Variants in CAST observed in about 807,000 individuals in gnomAD.
CAST encodes MIR583 host.
Under a neutral mutation model 119.6 loss-of-function variants are expected in CAST, and 76 were observed. The ratio of observed to expected loss-of-function variants is 0.64; its 90% confidence interval spans 0.53 to 0.77. The LOEUF is 0.77. CAST is among the 30% of genes least tolerant of loss of function. The pLI is 0.00. For missense variants in CAST, 953 were observed against 946.5 expected (o/e 1.01, Z -0.09); for synonymous variants, 319 against 331.6 (o/e 0.96, Z 0.41).
the CAST span, among the ~76,000 whole-genome samples, chr5:96,456,357 G>A: frequency 4.6e-5 from 7 of 152,076 alleles, no homozygotes; most frequent in Admixed American, 3.3e-4. Context: ...ACATTGTGAC[G>A]CATGCTATCA....
At chr5:96,103,869 C>G in the CAST span, among the ~76,000 whole-genome samples, 15 of 151,246 alleles carry the variant, frequency 9.9e-5, no homozygotes, top group South Asian at 8.4e-4. Context: ...CCTGTTGTTT[C>G]CTGACTTTTT....
intron 1 of CAST, among the ~76,000 whole-genome samples, chr5:96,577,584 C>A (rs1746698406): frequency 1.3e-5 from 2 of 152,000 alleles, no homozygotes; most frequent in Admixed American, 1.3e-4. Context: ...GTTGTATTTT[C>A]ATTTTCATTC....
the CAST span, among the ~76,000 whole-genome samples, chr5:96,121,573 G>A: frequency 2.6e-5 from 4 of 151,912 alleles, no homozygotes; most frequent in Non-Finnish European, 5.9e-5. Flanking sequence ...CAGCGTTTTG[G>A]CGGTGAGGCT....
the CAST span, among the ~76,000 whole-genome samples, chr5:96,433,449 C>A: frequency 6.6e-6 from 1 of 152,230 alleles, no homozygotes; most frequent in Admixed American, 6.5e-5. Context: ...TGCTCCTTGT[C>A]TGCCCATAAA....
At chr5:96,587,364 G>A (rs1214226489) in intron 1 of CAST, among the ~76,000 whole-genome samples, 11 of 152,200 alleles carry the variant, frequency 7.2e-5, no homozygotes, top group Admixed American at 7.2e-4. Context: ...TAGGATTGAA[G>A]GTGGTTAGGT....
chr5:96,467,884 G>A, the CAST span, among the ~76,000 whole-genome samples: 1 of 151,964 alleles, frequency 6.6e-6, no homozygotes, highest in African/African-American at 2.4e-5. Flanking sequence ...TCACTACTGG[G>A]TATCTACCCA....
chr5:96,670,015 C>T (rs1259724800), intron 1 of CAST, among the ~76,000 whole-genome samples: 1 of 152,158 alleles, frequency 6.6e-6, no homozygotes, highest in Non-Finnish European at 1.5e-5. Context: ...GGATGGGACC[C>T]ACTGCTAACC....
At chr5:96,405,026 G>C in the CAST span, among the ~76,000 whole-genome samples, 2 of 152,120 alleles carry the variant, frequency 1.3e-5, no homozygotes. Flanking sequence ...TCTCATTCTT[G>C]AGTGCCTTGG....
the CAST span, among the ~76,000 whole-genome samples, chr5:96,394,409 A>C: frequency 1.3e-5 from 2 of 152,192 alleles, no homozygotes; most frequent in Non-Finnish European, 2.9e-5. Flanking sequence ...AATTAATAAA[A>C]AGAAGCCTAC....
chr5:96,131,832 T>C, the CAST span, among the ~76,000 whole-genome samples: 1 of 152,082 alleles, frequency 6.6e-6, no homozygotes, highest in South Asian at 2.1e-4. Context: ...AACATAAGTA[T>C]CAAATCATAC....
At chr5:96,120,221 T>G in the CAST span, among the ~76,000 whole-genome samples, 1 of 152,152 alleles carries the variant, frequency 6.6e-6, no homozygotes, top group Non-Finnish European at 1.5e-5. Context: ...TGCCTTGGGC[T>G]CCTGCTAGAG....
At chr5:96,481,070 A>G in the CAST span, among the ~76,000 whole-genome samples, 2 of 152,140 alleles carry the variant, frequency 1.3e-5, no homozygotes, top group African/African-American at 2.4e-5. Flanking sequence ...ACAGGCTTAC[A>G]GCTAAATTGG....
At chr5:96,064,853 A>G in the CAST span, among the ~76,000 whole-genome samples, 1 of 152,124 alleles carries the variant, frequency 6.6e-6, no homozygotes, top group Non-Finnish European at 1.5e-5. Context: ...CATTTATGCT[A>G]CTATATTATT....
the CAST span, among the ~76,000 whole-genome samples, chr5:96,427,344 A>G: frequency 6.6e-6 from 1 of 152,224 alleles, no homozygotes; most frequent in South Asian, 2.1e-4. Context: ...GAGCAGGCTG[A>G]ATGGTATAGA....
intron 1 of CAST, among the ~76,000 whole-genome samples, chr5:96,631,407 A>G (rs1561435646): frequency 7.1e-6 from 1 of 140,556 alleles, no homozygotes; most frequent in Non-Finnish European, 1.6e-5. Flanking sequence ...AATATTTTCA[A>G]GTTTTATTCA....
chr5:96,764,866 T>A (rs1447808833), intron 25 of CAST, among the ~76,000 whole-genome samples: 1 of 152,160 alleles, frequency 6.6e-6, no homozygotes, highest in East Asian at 1.9e-4. Context: ...ACATGATTGG[T>A]TCATTTGCTT....
chr5:96,433,108 G>T, the CAST span: 1 of 1,477,300 alleles, frequency 6.8e-7, no homozygotes, highest in Non-Finnish European at 9.5e-7. Context: ...TAGGAGAAAA[G>T]CCAGACAGAC....
intron 1 of CAST, among the ~76,000 whole-genome samples, chr5:96,612,643 G>A (rs1040940109): frequency 5.9e-5 from 9 of 152,030 alleles, no homozygotes; most frequent in African/African-American, 1.4e-4. Context: ...AAATAAATAC[G>A]TTTTAATCTA....
At chr5:96,434,964 G>A in the CAST span, among the ~76,000 whole-genome samples, 1 of 152,206 alleles carries the variant, frequency 6.6e-6, no homozygotes. Flanking sequence ...AATGGGCTCC[G>A]ATTGATAGCT....
Sources: allele counts gnomAD v4.1 joint callset (sites outside exome capture counted in the v4.1 genomes callset), GRCh38; gene constraint gnomAD v4.1.1; transcripts MANE v1.5; gene names NCBI Gene and HGNC (gene_info 2026-07-23, HGNC 2026-07-21).